Variants in DPP10 observed in about 807,000 individuals in gnomAD.
DPP10 encodes dipeptidyl peptidase like 10, also known as inactive dipeptidyl peptidase 10.
A neutral mutation model predicts 120.9 loss-of-function variants in DPP10; 33 were observed. That is an observed-to-expected ratio of 0.27 (90% CI 0.21 to 0.37). The LOEUF is 0.37. Among genes scored for constraint, DPP10 ranks in the 10% least tolerant of loss-of-function variants. The pLI, the probability that DPP10 is intolerant of heterozygous loss-of-function variation, is 1.00. For missense variants in DPP10, 816 were observed against 942.8 expected, an observed-to-expected ratio of 0.87 and a Z score of 1.76; for synonymous variants, 337 against 326.1, an observed-to-expected ratio of 1.03 and a Z score of -0.36.
At chr2:114,701,734 G>A (rs1700395320) in intron 1 of DPP10, among the ~76,000 whole-genome samples, 1 of 152,084 alleles carries the variant, frequency 6.6e-6, no homozygotes, top group African/African-American at 2.4e-5. Flanking sequence ...GGGAATGGGG[G>A]GTGGGCAGTC....
At chr2:114,682,617 A>G (rs966081487) in intron 1 of DPP10, among the ~76,000 whole-genome samples, 1 of 151,342 alleles carries the variant, frequency 6.6e-6, no homozygotes, top group Non-Finnish European at 1.5e-5. Context: ...ATAATATTGA[A>G]TATGTCCCTG....
chr2:115,191,004 C>A (rs985254238), intron 1 of DPP10, among the ~76,000 whole-genome samples: 40 of 152,166 alleles, frequency 2.6e-4, no homozygotes, highest in African/African-American at 9.6e-4. Context: ...GAAGGAGGTG[C>A]AGGAGGTGAG....
chr2:115,486,094 A>G (rs938160229), intron 3 of DPP10, among the ~76,000 whole-genome samples: 2 of 152,234 alleles, frequency 1.3e-5, no homozygotes, highest in African/African-American at 4.8e-5. Flanking sequence ...GCATTACACA[A>G]ATTTTCCACA....
Position 114,526,864 on chromosome 2 carries a change from A to T in DPP10, c.60+84026A>T, listed in dbSNP as rs963846471. Among the ~76,000 whole-genome samples, 17 of 152,244 alleles carry T rather than the reference A, an allele frequency of 1.1e-4. No homozygotes were observed. In the South Asian group the frequency reaches 1.9e-3, roughly 17 times the overall value. On this transcript the variant is annotated intron_variant, in intron 1 of 25. Coordinates refer to ENST00000410059, the MANE Select transcript of DPP10 (RefSeq NM_020868.6). ...ATATAAATTAGGGTGGGGGATACAA[A>T]TATTTAGTTAATTACATGTGTATTT...
intron 1 of DPP10, among the ~76,000 whole-genome samples, chr2:114,531,219 C>T (rs1014424028): frequency 1.3e-5 from 2 of 152,046 alleles, no homozygotes; most frequent in Admixed American, 1.3e-4. Flanking sequence ...CATAAATAAG[C>T]TGTGATACTT....
Position 115,842,389 on chromosome 2 carries a change from T to A in DPP10, c.*44T>A. ...AACTGAAGGGAATATTGAGGCTCAATGAAACCTGACAAAGAGACTGTAATA... is the reference window on the plus strand; with the variant it reads ...AACTGAAGGGAATATTGAGGCTCAAAGAAACCTGACAAAGAGACTGTAATA... On this transcript the variant is annotated 3_prime_UTR_variant, in exon 26 of 26. Coordinates refer to ENST00000410059, the MANE Select transcript of DPP10 (RefSeq NM_020868.6). 1 of 1,582,528 alleles carries A rather than the reference T, an allele frequency of 6.3e-7. No homozygotes were observed.
At chr2:115,254,441 A>G (rs867459451) in intron 1 of DPP10, among the ~76,000 whole-genome samples, 1 of 152,160 alleles carries the variant, frequency 6.6e-6, no homozygotes, top group Non-Finnish European at 1.5e-5. Flanking sequence ...GGGTGGGGAT[A>G]TAGCCAAACC....
intron 1 of DPP10, among the ~76,000 whole-genome samples, chr2:115,266,921 ATTATG>A (rs890279301): frequency 2.6e-5 from 4 of 152,150 alleles, no homozygotes; most frequent in African/African-American, 7.2e-5. Flanking sequence ...AATTGGATAA[ATTATG>A]TTATGTGTTT....
At chr2:114,763,721 A>T (rs1680474450) in intron 1 of DPP10, among the ~76,000 whole-genome samples, 1 of 152,242 alleles carries the variant, frequency 6.6e-6, no homozygotes, top group South Asian at 2.1e-4. Flanking sequence ...ATATCCCAGT[A>T]GCAATTAGAA....
chr2:115,514,429 C>G (rs1165934659), intron 4 of DPP10, among the ~76,000 whole-genome samples: 1 of 151,552 alleles, frequency 6.6e-6, no homozygotes, highest in South Asian at 2.1e-4. Context: ...ATGTCTCACT[C>G]TATACATTAT....
chr2:115,328,321 A>T (rs369200339), intron 2 of DPP10, among the ~76,000 whole-genome samples: 34 of 152,222 alleles, frequency 2.2e-4, no homozygotes, highest in African/African-American at 8.2e-4. Context: ...GGAGATGTTA[A>T]TTTGAAAAAG....
chr2:114,920,483 A>C (rs1695122471), intron 1 of DPP10, among the ~76,000 whole-genome samples: 1 of 152,332 alleles, frequency 6.6e-6, no homozygotes, highest in Admixed American at 6.5e-5. Flanking sequence ...TGGAATTCTA[A>C]TCTTTCAGAC....
chr2:115,674,387 T>A (rs1656007353), intron 5 of DPP10, among the ~76,000 whole-genome samples: 1 of 149,270 alleles, frequency 6.7e-6, no homozygotes, highest in South Asian at 2.1e-4. Context: ...TTCATGATGT[T>A]TTTTTTTTTT....
At chr2:115,501,595 A>G (rs2076686219) in intron 4 of DPP10, among the ~76,000 whole-genome samples, 2 of 152,110 alleles carry the variant, frequency 1.3e-5, no homozygotes, top group South Asian at 4.1e-4. Context: ...AAGGACATTT[A>G]TGTCACAACA....
At chr2:114,778,646 T>C (rs942383406) in intron 1 of DPP10, among the ~76,000 whole-genome samples, 1 of 151,904 alleles carries the variant, frequency 6.6e-6, no homozygotes, top group Non-Finnish European at 1.5e-5. Context: ...AAAGAAATCA[T>C]GGAAGCTTGC....
chr2:115,466,619 C>G (rs548175650), intron 3 of DPP10, among the ~76,000 whole-genome samples: 13 of 152,132 alleles, frequency 8.5e-5, no homozygotes, highest in Non-Finnish European at 1.6e-4. Flanking sequence ...TAATATACAT[C>G]TTATTACTTT....
At chr2:115,295,286 G>A (rs756082609) in intron 1 of DPP10, among the ~76,000 whole-genome samples, 3 of 152,054 alleles carry the variant, frequency 2.0e-5, no homozygotes, top group Non-Finnish European at 4.4e-5. Flanking sequence ...TTTAAGCAGA[G>A]CACAAATGAT....
intron 1 of DPP10, among the ~76,000 whole-genome samples, chr2:115,055,063 A>T (rs1416658379): frequency 6.6e-6 from 1 of 152,164 alleles, no homozygotes; most frequent in South Asian, 2.1e-4. Flanking sequence ...TGCTTTAACA[A>T]TAATGCTGTT....
chr2:114,759,582 A>G (rs924829320), intron 1 of DPP10, among the ~76,000 whole-genome samples: 2 of 151,814 alleles, frequency 1.3e-5, no homozygotes, highest in Non-Finnish European at 2.9e-5. Context: ...CTTTGGGTCC[A>G]TGTCTGAAAG....
Sources: gnomAD v4.1 joint callset for allele counts (sites outside exome capture counted in the v4.1 genomes callset) on GRCh38, gnomAD v4.1.1 for gene constraint, MANE v1.5 for transcripts, NCBI Gene and HGNC (gene_info 2026-07-23, HGNC 2026-07-21) for gene names.